The following CDH13 variants were observed in gnomAD, a reference collection of about 807,000 sequenced individuals.
The protein encoded by CDH13 is cadherin 13, also known as cadherin-13.
CDH13 carries 24 observed loss-of-function variants against 63.8 expected under a neutral mutation model. The observed-to-expected ratio is 0.38, with a 90% CI of 0.27 to 0.53. The LOEUF (loss-of-function observed/expected upper bound fraction) is 0.53, where lower values mean the gene tolerates loss of function less well. Among genes scored for constraint, CDH13 ranks in the 20% least tolerant of loss-of-function variants. The probability of loss-of-function intolerance (pLI) is 0.85; values close to 1 mark genes in which losing one functional copy is unlikely to be tolerated. For synonymous variants in CDH13, 503 were observed against 355.3 expected, an observed-to-expected ratio of 1.42 and a Z score of -4.67; for missense variants, 1,049 against 903.1, an observed-to-expected ratio of 1.16 and a Z score of -2.07.
chr16:83,610,663 A>C (rs143356891), intron 8 of CDH13, among the ~76,000 whole-genome samples: 3 of 152,218 alleles, frequency 2.0e-5, no homozygotes, highest in African/African-American at 4.8e-5. Context: ...GCCGTAATCT[A>C]TTCATGTTCG....
intron 1 of CDH13, among the ~76,000 whole-genome samples, chr16:82,753,806 C>T (rs1050966167): frequency 6.6e-6 from 1 of 152,202 alleles, no homozygotes; most frequent in African/African-American, 2.4e-5. Context: ...ACCTCAGAAG[C>T]TGTCCAAACA....
At chr16:82,873,732 G>C (rs1175266450) in intron 2 of CDH13, among the ~76,000 whole-genome samples, 1 of 152,150 alleles carries the variant, frequency 6.6e-6, no homozygotes, top group East Asian at 1.9e-4. Flanking sequence ...AAAAGAATAA[G>C]GCTGGGGTGG....
chr16:83,477,955 G>A (rs1294850808), intron 6 of CDH13, among the ~76,000 whole-genome samples: 5 of 152,088 alleles, frequency 3.3e-5, no homozygotes, highest in African/African-American at 1.2e-4. Context: ...GCCGAGTCGG[G>A]TGGATCACGA....
chr16:83,129,082 C>G (rs2035937425), intron 4 of CDH13, among the ~76,000 whole-genome samples: 1 of 152,066 alleles, frequency 6.6e-6, no homozygotes, highest in African/African-American at 2.4e-5. Context: ...TATCTCCTGT[C>G]TTATCCTCAT....
chr16:83,059,013 T>A (rs1373163176), intron 3 of CDH13, among the ~76,000 whole-genome samples: 2 of 152,154 alleles, frequency 1.3e-5, no homozygotes, highest in African/African-American at 4.8e-5. Flanking sequence ...AGTTGGAGAT[T>A]CCCGGGAAGA....
At chr16:83,758,617 C>T (rs1285362080) in intron 11 of CDH13, among the ~76,000 whole-genome samples, 2 of 152,060 alleles carry the variant, frequency 1.3e-5, no homozygotes, top group African/African-American at 4.8e-5. Flanking sequence ...TCTCTTTATT[C>T]ATAAATGATA....
chr16:83,253,559 G>C (rs971738587), intron 5 of CDH13, among the ~76,000 whole-genome samples: 1 of 152,198 alleles, frequency 6.6e-6, no homozygotes, highest in Non-Finnish European at 1.5e-5. Flanking sequence ...GGGAGTTGAT[G>C]AGCTGTCAAC....
chr16:82,686,924 G>A (rs781047118), intron 1 of CDH13, among the ~76,000 whole-genome samples: 2 of 152,190 alleles, frequency 1.3e-5, no homozygotes, highest in African/African-American at 4.8e-5. Context: ...AGACAACATT[G>A]TCTGTTTTTC....
intron 11 of CDH13, among the ~76,000 whole-genome samples, chr16:83,771,544 G>A (rs543237956): frequency 7.9e-5 from 12 of 152,312 alleles, no homozygotes; most frequent in South Asian, 4.1e-4. Flanking sequence ...CAAAAGCACC[G>A]CCATGGTCTA....
chr16:83,315,266 C>T (rs1436091916), intron 5 of CDH13, among the ~76,000 whole-genome samples: 1 of 152,228 alleles, frequency 6.6e-6, no homozygotes, highest in African/African-American at 2.4e-5. Context: ...GGCAAGGTAA[C>T]ATTCAGAGTG....
At chr16:83,717,243 G>A (rs77855506) in intron 10 of CDH13, among the ~76,000 whole-genome samples, 19,240 of 152,038 alleles carry the variant, frequency 0.13, 1,460 homozygotes, top group Middle Eastern at 0.25. Flanking sequence ...CTGGATGACA[G>A]AGCGAGATAC....
At chr16:83,675,795 G>A (rs1244046340) in intron 9 of CDH13, among the ~76,000 whole-genome samples, 2 of 152,126 alleles carry the variant, frequency 1.3e-5, no homozygotes, top group Non-Finnish European at 2.9e-5. Context: ...AATTTAAAAG[G>A]CAGAAATATC....
chr16:83,356,004 G>A (rs1342874301), intron 6 of CDH13, among the ~76,000 whole-genome samples: 1 of 152,134 alleles, frequency 6.6e-6, no homozygotes, highest in African/African-American at 2.4e-5. Flanking sequence ...ACTCCGCCGT[G>A]GTCACACAGC....
intron 1 of CDH13, among the ~76,000 whole-genome samples, chr16:82,764,015 G>T (rs1280625268): frequency 1.3e-5 from 2 of 152,146 alleles, no homozygotes; most frequent in African/African-American, 4.8e-5. Context: ...GACAAGGACT[G>T]GTTGCATCTC....
At chr16:82,820,731 C>T (rs2037965096) in intron 1 of CDH13, among the ~76,000 whole-genome samples, 1 of 152,192 alleles carries the variant, frequency 6.6e-6, no homozygotes, top group Non-Finnish European at 1.5e-5. Flanking sequence ...ACTATAACCA[C>T]CCTAAGGATT....
intron 2 of CDH13, among the ~76,000 whole-genome samples, chr16:83,010,680 A>G (rs1914060565): frequency 1.3e-5 from 2 of 152,182 alleles, no homozygotes; most frequent in African/African-American, 4.8e-5. Flanking sequence ...TGAAGTCCCT[A>G]ATGGTTGTTA....
intron 1 of CDH13, among the ~76,000 whole-genome samples, chr16:82,631,392 A>G (rs181552317): frequency 1.3e-5 from 2 of 152,304 alleles, no homozygotes; most frequent in East Asian, 3.9e-4. Flanking sequence ...GTGACTCCTG[A>G]GCTAGGTCCA....
intron 1 of CDH13, among the ~76,000 whole-genome samples, chr16:82,783,896 A>G (rs1428480500): frequency 1.3e-5 from 2 of 152,180 alleles, no homozygotes; most frequent in Admixed American, 6.5e-5. Flanking sequence ...AGGGAAAGAA[A>G]GAAACGGATA....
At chr16:83,535,788 G>C (rs1352006794) in intron 7 of CDH13, among the ~76,000 whole-genome samples, 1 of 140,420 alleles carries the variant, frequency 7.1e-6, no homozygotes, top group Admixed American at 7.0e-5. Context: ...TGACACAGAG[G>C]AAGTATTTGG....
Sources: gnomAD v4.1 joint callset for allele counts (sites outside exome capture counted in the v4.1 genomes callset) on GRCh38, gnomAD v4.1.1 for gene constraint, MANE v1.5 for transcripts, NCBI Gene and HGNC (gene_info 2026-07-23, HGNC 2026-07-21) for gene names.